RAD51B: variants seen among roughly 807,000 people sequenced by gnomAD.
The protein encoded by RAD51B is DNA repair protein RAD51 homolog 2.
Under a neutral mutation model 42.2 loss-of-function variants are expected in RAD51B, and 38 were observed. The ratio of observed to expected loss-of-function variants is 0.90; its 90% CI spans 0.70 to 1.18. RAD51B has a LOEUF of 1.18. RAD51B is among the 50% of genes most tolerant of loss of function. The pLI is 0.00. For missense variants in RAD51B, 373 were observed against 400.7 expected, an observed-to-expected ratio of 0.93 and a Z score of 0.59; for synonymous variants, 154 against 145.2, an observed-to-expected ratio of 1.06 and a Z score of -0.43.
intron 7 of RAD51B, among the ~76,000 whole-genome samples, chr14:67,909,008 A>G (rs1244040460): frequency 2.0e-5 from 3 of 152,248 alleles, no homozygotes; most frequent in Admixed American, 6.5e-5. Flanking sequence ...GCTTTGTAAC[A>G]TAGGATGTCA....
intron 8 of RAD51B, among the ~76,000 whole-genome samples, chr14:68,301,264 T>C (rs2081728758): frequency 6.6e-6 from 1 of 152,062 alleles, no homozygotes; most frequent in African/African-American, 2.4e-5. Flanking sequence ...TGTTTTTTTG[T>C]TTTAAAATAT....
chr14:67,908,511 T>TG (rs576767912), intron 7 of RAD51B: 102 of 152,280 alleles, frequency 6.7e-4, no homozygotes, highest in African/African-American at 2.4e-3. Flanking sequence ...AGTTTTGTTT[T>TG]TTTTTTTTTA....
intron 7 of RAD51B, among the ~76,000 whole-genome samples, chr14:68,278,761 C>A (rs2081268988): frequency 6.6e-6 from 1 of 152,116 alleles, no homozygotes; most frequent in Non-Finnish European, 1.5e-5. Context: ...GCCCTTGGGC[C>A]ACATGATCTC....
intron 8 of RAD51B, among the ~76,000 whole-genome samples, chr14:68,397,460 C>T (rs1419519261): frequency 2.0e-5 from 3 of 152,246 alleles, no homozygotes; most frequent in Non-Finnish European, 4.4e-5. Flanking sequence ...CTCCACTCCC[C>T]GGGGATTGGG....
At chr14:68,059,813 T>G (rs1362869936) in intron 7 of RAD51B, among the ~76,000 whole-genome samples, 1 of 152,216 alleles carries the variant, frequency 6.6e-6, no homozygotes, top group East Asian at 1.9e-4. Context: ...TTCATATACT[T>G]CTCTATCCCA....
chr14:68,668,047 C>T (rs995745673), intron 11 of RAD51B, among the ~76,000 whole-genome samples: 2 of 152,196 alleles, frequency 1.3e-5, no homozygotes, highest in Non-Finnish European at 2.9e-5. Context: ...GATTACCAAT[C>T]CTTGTGCTGT....
chr14:68,563,885 C>T (rs1594977223), intron 10 of RAD51B: 1 of 985,474 alleles, frequency 1.0e-6, no homozygotes, highest in East Asian at 1.1e-4. Context: ...TGCTCTGCAG[C>T]CTTGAGTAAC....
intron 7 of RAD51B, among the ~76,000 whole-genome samples, chr14:68,078,432 A>G (rs2076866566): frequency 6.6e-6 from 1 of 152,194 alleles, no homozygotes; most frequent in South Asian, 2.1e-4. Flanking sequence ...TGAGTGACTT[A>G]TGAACAGAAA....
At position 67,825,541 on chromosome 14, in the gene RAD51B, T is replaced by C; in HGVS notation, c.162T>C (p.Cys54=). The change falls in exon 3 of 11, where the codon TGT becomes TGC. Residue 54 remains cysteine (C), a synonymous_variant. Coordinates refer to ENST00000471583, the MANE Select transcript of RAD51B (RefSeq NM_133510.4). ...LSYRGVHELL[C]MVSRACAPKM... ...ATCGAGGTGTCCATGAACTTCTATGTATGGTCAGCAGGGCCTGTGCCCCAA... is the reference window on the plus strand; with the variant it reads ...ATCGAGGTGTCCATGAACTTCTATGCATGGTCAGCAGGGCCTGTGCCCCAA... The C allele has an allele frequency of 6.2e-7, 1 of 1,613,430 alleles. No homozygotes were observed. The highest frequency in any genetic ancestry group is 8.5e-7 in the Non-Finnish European group (1 of 1,179,528).
intron 8 of RAD51B, among the ~76,000 whole-genome samples, chr14:68,304,273 C>G (rs1043442155): frequency 5.9e-5 from 9 of 152,086 alleles, no homozygotes; most frequent in African/African-American, 2.2e-4. Flanking sequence ...AGGCACTATA[C>G]TAAGCACATA....
At chr14:68,227,213 G>A (rs2080056482) in intron 7 of RAD51B, among the ~76,000 whole-genome samples, 1 of 152,158 alleles carries the variant, frequency 6.6e-6, no homozygotes, top group South Asian at 2.1e-4. Context: ...AGGCAGTAGG[G>A]CACTCTTGCC....
At chr14:68,609,989 T>C (rs568756726) in intron 10 of RAD51B, among the ~76,000 whole-genome samples, 33 of 152,230 alleles carry the variant, frequency 2.2e-4, no homozygotes, top group Admixed American at 2.0e-3. Flanking sequence ...ACATCGCTTC[T>C]GTCTCTCTCC....
intron 7 of RAD51B, among the ~76,000 whole-genome samples, chr14:68,255,717 T>A (rs1312914102): frequency 1.3e-5 from 2 of 152,242 alleles, no homozygotes; most frequent in Non-Finnish European, 2.9e-5. Flanking sequence ...TGCTGCAATG[T>A]AATAGTCATT....
At chr14:68,278,688 A>G (rs1318628091) in intron 7 of RAD51B, among the ~76,000 whole-genome samples, 3 of 152,190 alleles carry the variant, frequency 2.0e-5, no homozygotes, top group Non-Finnish European at 1.5e-5. Context: ...TTTGTTTTGT[A>G]ATAAACAACA....
intron 10 of RAD51B, among the ~76,000 whole-genome samples, chr14:68,607,814 A>G (rs4902611): frequency 0.35 from 53,589 of 151,918 alleles, 10,002 homozygotes; most frequent in East Asian, 0.61. Context: ...GGAGGAAGAC[A>G]GGGGCTGGCA....
At chr14:68,107,812 T>A in intron 7 of RAD51B, among the ~76,000 whole-genome samples, 1 of 151,732 alleles carries the variant, frequency 6.6e-6, no homozygotes, top group East Asian at 1.9e-4. Context: ...ATCAAATGGA[T>A]CAGACACCTA....
intron 7 of RAD51B, among the ~76,000 whole-genome samples, chr14:68,143,309 T>G (rs1266307373): frequency 2.0e-5 from 3 of 152,178 alleles, no homozygotes; most frequent in Non-Finnish European, 4.4e-5. Context: ...TTCTTGTTCT[T>G]GAAGTCCCTA....
chr14:68,428,906 TC>T (rs1594823035), intron 9 of RAD51B, among the ~76,000 whole-genome samples: 1 of 125,574 alleles, frequency 8.0e-6, no homozygotes, highest in Admixed American at 8.2e-5. Flanking sequence ...CCCTCCCCAC[TC>T]CCCCCACCCC....
At chr14:67,874,434 A>T (rs866822903) in intron 5 of RAD51B, among the ~76,000 whole-genome samples, 2 of 144,132 alleles carry the variant, frequency 1.4e-5, no homozygotes, top group African/African-American at 5.2e-5. Flanking sequence ...TTTTTTTTTT[A>T]AAGCCCATCA....
Sources: allele counts gnomAD v4.1 joint callset (sites outside exome capture counted in the v4.1 genomes callset), GRCh38; gene constraint gnomAD v4.1.1; transcripts MANE v1.5; gene names NCBI Gene and HGNC (gene_info 2026-07-23, HGNC 2026-07-21).